Variants in DSCAML1 observed in about 807,000 individuals in gnomAD.
The protein encoded by DSCAML1 is DS cell adhesion molecule like 1.
A neutral mutation model predicts 200.5 loss-of-function variants in DSCAML1; 38 were observed. That is an observed-to-expected ratio of 0.19 (90% CI 0.15 to 0.25). DSCAML1 has a LOEUF of 0.25. DSCAML1 is among the 10% of genes least tolerant of loss of function. The probability of loss-of-function intolerance (pLI) is 1.00; values close to 1 mark genes in which losing one functional copy is unlikely to be tolerated. For synonymous variants in DSCAML1, 1,215 were observed against 1,165.0 expected (o/e 1.04, Z -0.87); for missense variants, 2,223 against 2,858.8 (o/e 0.78, Z 5.07).
chr11:117,473,191 T>C (rs2048720473), intron 14 of DSCAML1, among the ~76,000 whole-genome samples: 1 of 152,302 alleles, frequency 6.6e-6, no homozygotes, highest in Middle Eastern at 3.4e-3. Flanking sequence ...AAAATTTTTT[T>C]TTGGTTAAAA....
intron 3 of DSCAML1, among the ~76,000 whole-genome samples, chr11:117,678,802 C>T (rs1426027403): frequency 7.2e-5 from 11 of 152,202 alleles, no homozygotes; most frequent in Non-Finnish European, 1.2e-4. Flanking sequence ...AGGAGCAGGG[C>T]GTAGGGCCAG....
chr11:117,449,174 G>C (rs2048236306), intron 20 of DSCAML1, among the ~76,000 whole-genome samples: 2 of 152,192 alleles, frequency 1.3e-5, no homozygotes, highest in Admixed American at 1.3e-4. Context: ...CTATGCTATT[G>C]AGGTCAGGAT....
intron 3 of DSCAML1, among the ~76,000 whole-genome samples, chr11:117,737,731 A>G (rs2054344599): frequency 1.3e-5 from 2 of 152,218 alleles, no homozygotes; most frequent in Non-Finnish European, 2.9e-5. Flanking sequence ...GGCCTTGGGA[A>G]GCCTTCACTG....
At chr11:117,814,263 G>C (rs952191876) in intron 1 of DSCAML1, among the ~76,000 whole-genome samples, 5 of 152,194 alleles carry the variant, frequency 3.3e-5, no homozygotes, top group Middle Eastern at 3.2e-3. Context: ...CTGCACCCAG[G>C]TGAAATAAAC....
intron 3 of DSCAML1, among the ~76,000 whole-genome samples, chr11:117,537,966 C>T (rs2050198848): frequency 6.6e-6 from 1 of 152,192 alleles, no homozygotes; most frequent in Non-Finnish European, 1.5e-5. Flanking sequence ...CTGGGCAGCT[C>T]ACCCAGGGTG....
At chr11:117,769,482 TATATATTTTATATATATA>T (rs1412739725) in intron 3 of DSCAML1, among the ~76,000 whole-genome samples, 10 of 91,170 alleles carry the variant, frequency 1.1e-4, no homozygotes, top group African/African-American at 3.0e-4. Context: ...ATATATATAA[TATATATTTTATATATATA>T]ATATATATTT....
At chr11:117,690,089 GA>G (rs1174222037) in intron 3 of DSCAML1, among the ~76,000 whole-genome samples, 3 of 152,278 alleles carry the variant, frequency 2.0e-5, no homozygotes, top group East Asian at 1.9e-4. Context: ...AGACTATACT[GA>G]AAAAAACAAA....
At chr11:117,807,194 C>T (rs1298291661) in intron 1 of DSCAML1, among the ~76,000 whole-genome samples, 1 of 152,220 alleles carries the variant, frequency 6.6e-6, no homozygotes, top group Non-Finnish European at 1.5e-5. Context: ...GACCAAATGG[C>T]ATCTCTCTGC....
intron 1 of DSCAML1, among the ~76,000 whole-genome samples, chr11:117,795,787 T>C (rs1476896582): frequency 2.6e-5 from 4 of 152,160 alleles, no homozygotes; most frequent in Non-Finnish European, 4.4e-5. Flanking sequence ...TCCAGACCCC[T>C]GGAGCACCGG....
intron 3 of DSCAML1, among the ~76,000 whole-genome samples, chr11:117,665,320 C>A (rs1305352753): frequency 2.0e-5 from 3 of 152,218 alleles, no homozygotes; most frequent in African/African-American, 7.2e-5. Flanking sequence ...AAGGACATAT[C>A]TAAGATTTGG....
intron 3 of DSCAML1, among the ~76,000 whole-genome samples, chr11:117,773,529 GCACACACACACACACACA>G (rs59492776): frequency 6.9e-6 from 1 of 144,484 alleles, no homozygotes; most frequent in African/African-American, 2.6e-5. Flanking sequence ...ACCTCAAAAT[GCACACACACACACACACA>G]CACACACACA....
intron 1 of DSCAML1, among the ~76,000 whole-genome samples, chr11:117,803,091 T>C (rs982224650): frequency 1.2e-4 from 19 of 152,042 alleles, no homozygotes. Context: ...GGCTTGGGAT[T>C]GGTGGAATGT....
chr11:117,720,429 G>C (rs2054023563), intron 3 of DSCAML1, among the ~76,000 whole-genome samples: 1 of 152,004 alleles, frequency 6.6e-6, no homozygotes, highest in South Asian at 2.1e-4. Context: ...AGGGGAGGGA[G>C]CCGAGGGCTG....
At chr11:117,693,293 G>A (rs2053530622) in intron 3 of DSCAML1, among the ~76,000 whole-genome samples, 1 of 152,132 alleles carries the variant, frequency 6.6e-6, no homozygotes, top group South Asian at 2.1e-4. Context: ...CTTTCCATTT[G>A]TTTCTGTTAA....
chr11:117,481,225 C>T lies in DSCAML1; in HGVS notation c.2605G>A (p.Ala869Thr). ...CGGTCCTCCCCATACGAGTTGATGG[C>T]ATGGCAGCTGAAGAACACAGAGTCC... Reference protein sequence around the residue: ...RGDSVFFSCHAINSYGEDRGL... With the variant: ...RGDSVFFSCHTINSYGEDRGL... Residue 869 changes from alanine to threonine, a missense_variant, in exon 13 of 33, where the codon GCC becomes ACC. Ala to Thr is a moderately conservative substitution (Grantham distance 58). Transcript: ENST00000651296. 1 of 1,613,890 alleles carries T rather than the reference C, an allele frequency of 6.2e-7. No homozygotes were observed. Among genetic ancestry groups the T allele is most frequent in the Non-Finnish European group, 8.5e-7 (1 of 1,180,002 alleles).
chr11:117,428,362 G>C lies in DSCAML1; in HGVS notation c.6128C>G (p.Ala2043Gly). 6.3e-7 allele frequency: 1 copy of C among 1,584,052 alleles called. No homozygotes were observed. The highest frequency in any genetic ancestry group is 8.6e-7 in the Non-Finnish European group (1 of 1,161,870). The change falls in exon 33 of 33, where the codon GCC (alanine) becomes GGC (glycine). Residue 2043 changes from alanine to glycine, a missense_variant. Coordinates refer to ENST00000651296, the MANE Select transcript of DSCAML1 (RefSeq NM_020693.4). ...GGTGTAGGATTTGGAGTAGGCCCCGGCCCCCTGCTTCTGAGACCTCCCTAC... is the reference window on the plus strand; with the variant it reads ...GGTGTAGGATTTGGAGTAGGCCCCGCCCCCCTGCTTCTGAGACCTCCCTAC... ...SGVGRSQKQG[A>G]GAYSKSYTLV
At position 117,463,062 on chromosome 11, in the gene DSCAML1, G is replaced by A. The variant is rs11607675; in HGVS notation, c.3266-1466C>T. On this transcript the variant is annotated intron_variant, in intron 17 of 32. Transcript: ENST00000651296. This position sits in a 1 kb window ranked among gnomAD's most constrained non-coding sequence, Gnocchi z 4.0. The stretch of plus-strand genomic sequence containing the variant: ...GCGTTAGGTGGGGCAGGCTGGCCTC[G>A]GCTCAGCACGACTGTTCCCTGGACA... Among the ~76,000 whole-genome samples, 16,609 of 152,212 alleles carry A rather than the reference G, an allele frequency of 0.11. 1,035 individuals carry two copies. The highest frequency in any genetic ancestry group is 0.19 in the Admixed American group (2,881 of 15,298).
At chr11:117,627,214 C>T (rs532030517) in intron 3 of DSCAML1, among the ~76,000 whole-genome samples, 5 of 152,158 alleles carry the variant, frequency 3.3e-5, no homozygotes, top group South Asian at 4.1e-4. Flanking sequence ...CCCATCAGAA[C>T]GGAGATGGCG....
chr11:117,507,918 T>C (rs1255888082), intron 8 of DSCAML1, among the ~76,000 whole-genome samples: 1 of 152,174 alleles, frequency 6.6e-6, no homozygotes, highest in Non-Finnish European at 1.5e-5. Flanking sequence ...GCCTTAGACA[T>C]CTTCAGATAG....
Sources: allele counts gnomAD v4.1 joint callset (sites outside exome capture counted in the v4.1 genomes callset), GRCh38; gene constraint gnomAD v4.1.1; non-coding constraint Gnocchi (gnomAD v3.1); transcripts MANE v1.5; gene names NCBI Gene and HGNC (gene_info 2026-07-23, HGNC 2026-07-21).